Variants in SLC43A2 observed in about 807,000 individuals in gnomAD.
SLC43A2 encodes large neutral amino acids transporter small subunit 4.
A neutral mutation model predicts 63.2 loss-of-function variants in SLC43A2; 38 were observed. The observed-to-expected ratio is 0.60, with a 90% CI of 0.46 to 0.79. The LOEUF (loss-of-function observed/expected upper bound fraction) is 0.79, where lower values mean the gene tolerates loss of function less well. Among genes scored for constraint, SLC43A2 ranks in the 30% least tolerant of loss-of-function variants. The probability of loss-of-function intolerance (pLI) is 0.00; values close to 1 mark genes in which losing one functional copy is unlikely to be tolerated. For missense variants in SLC43A2, 644 were observed against 756.2 expected (o/e 0.85, Z 1.74); for synonymous variants, 322 against 331.0 (o/e 0.97, Z 0.30).
intron 2 of SLC43A2, among the ~76,000 whole-genome samples, chr17:1,622,561 T>TC (rs983696176): frequency 1.9e-4 from 27 of 142,406 alleles, no homozygotes; most frequent in African/African-American, 6.3e-4. Flanking sequence ...CAAGACTCTG[T>TC]CTCAAAAAAA....
At chr17:1,604,604 G>T in intron 5 of SLC43A2, 1 of 862,370 alleles carries the variant, frequency 1.2e-6, no homozygotes, top group Non-Finnish European at 1.8e-6. Flanking sequence ...GAACTCCTGG[G>T]CTCAACTCAT....
chr17:1,616,546 A>C lies in SLC43A2; in HGVS notation c.368+16T>G, dbSNP rs778270896. On this transcript the variant is annotated intron_variant, in intron 3 of 13. Coordinates refer to ENST00000301335, the MANE Select transcript of SLC43A2 (RefSeq NM_152346.3). Reference sequence around the variant, plus strand: ...CCACCTGCCCACTCCCTGCCCCCTAAGGGACCCACACTGACCTGCCCAGCA... The same window carrying C: ...CCACCTGCCCACTCCCTGCCCCCTACGGGACCCACACTGACCTGCCCAGCA... The C allele has an allele frequency of 3.1e-6, 5 of 1,600,534 alleles. No individual in the cohort carries two copies. Among genetic ancestry groups the C allele is most frequent in the Non-Finnish European group, 3.4e-6 (4 of 1,173,894 alleles).
Position 1,572,469 on chromosome 17 carries a change from G to A in SLC43A2, c.*3135C>T, listed in dbSNP as rs961035161. 2 of 152,326 alleles carry A rather than the reference G, an allele frequency of 1.3e-5. No homozygotes were observed. The highest frequency in any genetic ancestry group is 4.8e-5 in the African/African-American group (2 of 41,442). The allele number at this position is 152,326 out of a possible 1,614,324, so 9.4% of individuals were successfully genotyped here. A position where few individuals can be genotyped will look rare whatever the true frequency, so the allele number is the denominator to read the frequency against. On this transcript the variant is annotated 3_prime_UTR_variant, in exon 14 of 14. Coordinates refer to ENST00000301335, the MANE Select transcript of SLC43A2 (RefSeq NM_152346.3). ...GCCTCGTTTTTCAGGTGTATATGAT[G>A]ATAGTATCTCTAGGCCTCGTTTTTC...
chr17:1,598,786 TG>T (rs1905584138), intron 5 of SLC43A2, among the ~76,000 whole-genome samples: 1 of 152,092 alleles, frequency 6.6e-6, no homozygotes, highest in Non-Finnish European at 1.5e-5. Flanking sequence ...GAGCAGAACC[TG>T]GGGAAGAGGC....
chr17:1,595,078 C>A (rs139022736), intron 5 of SLC43A2, among the ~76,000 whole-genome samples: 13 of 151,804 alleles, frequency 8.6e-5, no homozygotes, highest in Admixed American at 8.5e-4. Flanking sequence ...GTCAGGAATT[C>A]GAGATCAGCC....
intron 5 of SLC43A2, among the ~76,000 whole-genome samples, chr17:1,600,010 C>G (rs1435030076): frequency 4.1e-5 from 6 of 146,022 alleles, no homozygotes; most frequent in Admixed American, 6.9e-5. Context: ...CGCCACTGCA[C>G]TCCAGCCTGG....
At position 1,573,217 on chromosome 17, in the gene SLC43A2, T is replaced by G. The variant is rs1344539033; in HGVS notation, c.*2387A>C. On this transcript the variant is annotated 3_prime_UTR_variant, in exon 14 of 14. Transcript: ENST00000301335. Reference sequence around the variant, plus strand: ...AAAAAAAAGGCGGCCTTTTCCCAGCTGGCAGCACCCTGGCTAGTTAGGGTT... The same window carrying G: ...AAAAAAAAGGCGGCCTTTTCCCAGCGGGCAGCACCCTGGCTAGTTAGGGTT... The G allele has an allele frequency of 6.7e-6, 1 of 149,504 alleles. No individual in the cohort carries two copies. The highest frequency in any genetic ancestry group is 1.5e-5 in the Non-Finnish European group (1 of 67,686). The allele number at this position is 149,504 out of a possible 1,614,324, so 9.3% of individuals were successfully genotyped here. A position where few individuals can be genotyped will look rare whatever the true frequency, so the allele number is the denominator to read the frequency against.
At chr17:1,622,622 G>A (rs1908274383) in intron 2 of SLC43A2, among the ~76,000 whole-genome samples, 2 of 141,898 alleles carry the variant, frequency 1.4e-5, no homozygotes, top group South Asian at 4.5e-4. Context: ...TCTAAAAAGA[G>A]AGGCCCTTGA....
rs141883859 is a variant in SLC43A2, at chr17:1,610,043, G to A, written c.501+3152C>T. On this transcript the variant is annotated intron_variant, in intron 5 of 13. Transcript: ENST00000301335. ...TCCTGCCTCAGTCTCCCAAGTAGCT[G>A]GGATTACAGGCGTGTGCCACCATGC... Among the ~76,000 whole-genome samples, 16 of 152,148 alleles carry A rather than the reference G, an allele frequency of 1.1e-4. No individual in the cohort carries two copies. In the East Asian group the frequency reaches 3.1e-3, roughly 29 times the overall value.
chr17:1,607,653 G>A (rs1217067077), intron 5 of SLC43A2, among the ~76,000 whole-genome samples: 1 of 152,168 alleles, frequency 6.6e-6, no homozygotes. Flanking sequence ...GAACAGTGAC[G>A]TAGCAGCTTC....
intron 5 of SLC43A2, among the ~76,000 whole-genome samples, chr17:1,602,110 C>T (rs781687068): frequency 5.3e-5 from 8 of 152,306 alleles, no homozygotes; most frequent in Admixed American, 2.0e-4. Context: ...CCTGAAGGTG[C>T]GTGTGGGTCG....
At chr17:1,623,502 C>T (rs1908347702) in intron 2 of SLC43A2, among the ~76,000 whole-genome samples, 1 of 152,114 alleles carries the variant, frequency 6.6e-6, no homozygotes, top group Non-Finnish European at 1.5e-5. Flanking sequence ...ATTGGATGGT[C>T]GCCCTCCTCT....
intron 2 of SLC43A2, among the ~76,000 whole-genome samples, chr17:1,622,422 AG>A (rs762765884): frequency 2.0e-5 from 3 of 151,976 alleles, no homozygotes; most frequent in Non-Finnish European, 2.9e-5. Flanking sequence ...AAATTTAGCC[AG>A]GCGTGGTGGC....
chr17:1,617,009 T>A (rs1907744069), intron 2 of SLC43A2, among the ~76,000 whole-genome samples: 1 of 152,162 alleles, frequency 6.6e-6, no homozygotes, highest in Non-Finnish European at 1.5e-5. Flanking sequence ...AAAAATCCAA[T>A]AAAGACCTCC....
chr17:1,604,836 A>T (rs1268672512), intron 5 of SLC43A2: 1 of 1,535,724 alleles, frequency 6.5e-7, no homozygotes, highest in South Asian at 1.2e-5. Flanking sequence ...TCATCCTGAC[A>T]TCTGGGTCAC....
At position 1,570,051 on chromosome 17, in the gene SLC43A2, C is replaced by A. The variant is rs1415809062; in HGVS notation, c.*5553G>T. Reference sequence around the variant, plus strand: ...TACAGGTACCCACCACCACGCCCAGCTAATTTTTTTTTTTCGTATTTTTAG... The same window carrying A: ...TACAGGTACCCACCACCACGCCCAGATAATTTTTTTTTTTCGTATTTTTAG... On this transcript the variant is annotated 3_prime_UTR_variant, in exon 14 of 14. Transcript: ENST00000301335. 8.2e-6 allele frequency: 1 copy of A among 121,416 alleles called. No homozygotes were observed. Among genetic ancestry groups the A allele is most frequent in the African/African-American group, 3.2e-5 (1 of 30,858 alleles). 7.5% of individuals were successfully genotyped at this position (121,416 alleles called of 1,614,324 possible).
chr17:1,583,449 G>A lies in SLC43A2; in HGVS notation c.1218-113C>T. The A allele has an allele frequency of 3.3e-6, 5 of 1,533,712 alleles. No individual in the cohort carries two copies. The highest frequency in any genetic ancestry group is 4.4e-6 in the Non-Finnish European group (5 of 1,140,582). Reference sequence around the variant, plus strand: ...AGGTAAACTGACGCAAGACTCAGAAGCCACCCAGGCACGTTTTAGGGACTG... The same window carrying A: ...AGGTAAACTGACGCAAGACTCAGAAACCACCCAGGCACGTTTTAGGGACTG... On this transcript the variant is annotated intron_variant, in intron 10 of 13. Transcript: ENST00000301335. The surrounding 1 kb of genome is among the most constrained non-coding windows in gnomAD (Gnocchi z 5.5).
intron 6 of SLC43A2, 25 bp from the exon 7 acceptor site, chr17:1,591,724 T>TTG (rs1555538832): frequency 7.3e-5 from 16 of 220,290 alleles, no homozygotes; most frequent in East Asian, 2.3e-4. Flanking sequence ...GGGGACGGGG[T>TTG]GGGGGGGGGA....
In SLC43A2 at chr17:1,606,153, C is replaced by A. The variant is rs1906594299; in HGVS notation, c.501+7042G>T. 3.3e-5 allele frequency among the ~76,000 whole-genome samples: 5 copies of A among 151,604 alleles called. No homozygotes were observed. The South Asian group carries it at 1.0e-3, about 32-fold the overall frequency. On this transcript the variant is annotated intron_variant, in intron 5 of 13. Transcript: ENST00000301335. This position sits in a 1 kb window ranked among gnomAD's most constrained non-coding sequence, Gnocchi z 4.7. ...TAGACCCTCCAGAGCTGGCCGGGGG[C>A]CACCGCGGGACCCTCTCCTGGACCC...
Sources: gnomAD v4.1 joint callset for allele counts (sites outside exome capture counted in the v4.1 genomes callset) on GRCh38, gnomAD v4.1.1 for gene constraint, Gnocchi (gnomAD v3.1) non-coding constraint, MANE v1.5 for transcripts, NCBI Gene and HGNC (gene_info 2026-07-23, HGNC 2026-07-21) for gene names.